Variants in GALNT18 observed in about 807,000 individuals in gnomAD.
GALNT18 encodes the protein polypeptide N-acetylgalactosaminyltransferase 18.
A neutral mutation model predicts 69.5 loss-of-function variants in GALNT18; 44 were observed. The observed-to-expected ratio is 0.63, with a 90% CI of 0.50 to 0.81. GALNT18 has a LOEUF of 0.81. Ranked by LOEUF, GALNT18 falls within the 40% of genes least tolerant of loss-of-function variation. GALNT18 has a pLI of 0.00. For missense variants in GALNT18, 715 were observed against 810.0 expected, an observed-to-expected ratio of 0.88 and a Z score of 1.42; for synonymous variants, 364 against 318.2, an observed-to-expected ratio of 1.14 and a Z score of -1.53.
In GALNT18 at chr11:11,430,819, G is replaced by A. The variant is rs2133791657; in HGVS notation, c.595+1802C>T. ...GACTTCTCTCTCTACTGCTGCAATA[G>A]CCTTCTCATCCATTTCCCTTCTTCA... On this transcript the variant is annotated intron_variant, in intron 3 of 10. Transcript: ENST00000227756. This position sits in a 1 kb window ranked among gnomAD's most constrained non-coding sequence, Gnocchi z 4.9. Among the ~76,000 whole-genome samples, 1 of 152,222 alleles carries A rather than the reference G, an allele frequency of 6.6e-6. No homozygotes were observed. Among genetic ancestry groups the A allele is most frequent in the Admixed American group, 6.5e-5 (1 of 15,286 alleles).
At chr11:11,518,204 G>C (rs892762133) in intron 1 of GALNT18, among the ~76,000 whole-genome samples, 8 of 152,226 alleles carry the variant, frequency 5.3e-5, no homozygotes, top group Admixed American at 1.3e-4. Context: ...CCTCTCACCA[G>C]CCAGCTGAAA....
Position 11,564,113 on chromosome 11 carries a change from T to C in GALNT18, c.235+57246A>G, listed in dbSNP as rs1309381514. On this transcript the variant is annotated intron_variant, in intron 1 of 10. Coordinates refer to ENST00000227756, the MANE Select transcript of GALNT18 (RefSeq NM_198516.3). This position sits in a 1 kb window ranked among gnomAD's most constrained non-coding sequence, Gnocchi z 4.3. ...GAGTTACGTACTGATCTTAACCCCA[T>C]TTTACAGTTGAAGGAACTTGAGCAT... is the stretch of plus-strand genomic sequence containing the variant. Among the ~76,000 whole-genome samples, 4 of 152,178 alleles carry C rather than the reference T, an allele frequency of 2.6e-5. No individual in the cohort carries two copies. The highest frequency in any genetic ancestry group is 4.4e-5 in the Non-Finnish European group (3 of 68,042).
chr11:11,297,931 C>T (rs1021326955), intron 9 of GALNT18, among the ~76,000 whole-genome samples: 2 of 152,208 alleles, frequency 1.3e-5, no homozygotes, highest in Non-Finnish European at 2.9e-5. Context: ...TCAACACATC[C>T]GTATCCTGGA....
chr11:11,401,841 AG>A (rs890286041), intron 3 of GALNT18, among the ~76,000 whole-genome samples: 5 of 152,342 alleles, frequency 3.3e-5, no homozygotes, highest in Non-Finnish European at 7.3e-5. Flanking sequence ...ATACAACAAT[AG>A]ATCCATAAGC....
rs917283548 is a variant in GALNT18 at position 11,480,357 on chromosome 11, T to G, written c.236-31421A>C. 1.3e-5 allele frequency among the ~76,000 whole-genome samples: 2 copies of G among 152,118 alleles called. No homozygotes were observed. The highest frequency in any genetic ancestry group is 1.5e-5 in the Non-Finnish European group (1 of 68,018). On this transcript the variant is annotated intron_variant, in intron 1 of 10. Transcript: ENST00000227756. The surrounding 1 kb of genome is among the most constrained non-coding windows in gnomAD (Gnocchi z 4.6). Reference sequence around the variant, plus strand: ...TTATTTGTTCTTTTGGGGCATCTCATTCTGAGTTCTACTCTGTCCCTTGGA... The same window carrying G: ...TTATTTGTTCTTTTGGGGCATCTCAGTCTGAGTTCTACTCTGTCCCTTGGA...
At chr11:11,571,564 G>A (rs1464365431) in intron 1 of GALNT18, among the ~76,000 whole-genome samples, 3 of 152,150 alleles carry the variant, frequency 2.0e-5, no homozygotes, top group Non-Finnish European at 4.4e-5. Flanking sequence ...CCTGGGCAGT[G>A]AGGCCCACTG....
chr11:11,367,343 C>T (rs1487128), intron 6 of GALNT18, among the ~76,000 whole-genome samples: 100,144 of 152,058 alleles, frequency 0.66, 33,261 homozygotes, highest in Middle Eastern at 0.78. Context: ...CAAATGATTA[C>T]GAATATCCCA....
intron 9 of GALNT18, among the ~76,000 whole-genome samples, chr11:11,302,286 T>C (rs1316580653): frequency 6.6e-6 from 1 of 152,126 alleles, no homozygotes; most frequent in African/African-American, 2.4e-5. Context: ...CTTGGTGTGG[T>C]TGAGTACAAG....
chr11:11,353,095 C>T (rs748527421), intron 6 of GALNT18: 6 of 1,614,030 alleles, frequency 3.7e-6, no homozygotes, highest in South Asian at 1.1e-5. Flanking sequence ...TAAACTCTGG[C>T]CCTGCTTGGC....
rs1403510692 is a variant in GALNT18 at position 11,461,637 on chromosome 11, C to T, written c.236-12701G>A. Among the ~76,000 whole-genome samples the T allele has an allele frequency of 6.6e-6, 1 of 152,212 alleles. No homozygotes were observed. The highest frequency in any genetic ancestry group is 1.9e-4 in the East Asian group (1 of 5,188). ...CTAAATATACACTACACTGTTCACA[C>T]ATAAAACAGTGTTCCCAGTGTTTCC... On this transcript the variant is annotated intron_variant, in intron 1 of 10. Coordinates refer to ENST00000227756, the MANE Select transcript of GALNT18 (RefSeq NM_198516.3). This position sits in a 1 kb window ranked among gnomAD's most constrained non-coding sequence, Gnocchi z 4.1.
chr11:11,532,642 T>C (rs1038466352), intron 1 of GALNT18, among the ~76,000 whole-genome samples: 2 of 152,250 alleles, frequency 1.3e-5, no homozygotes, highest in African/African-American at 4.8e-5. Flanking sequence ...CAGATCATCT[T>C]GAACAACATA....
chr11:11,370,724 T>C (rs1013857488), intron 6 of GALNT18, among the ~76,000 whole-genome samples: 1 of 152,156 alleles, frequency 6.6e-6, no homozygotes, highest in Non-Finnish European at 1.5e-5. Flanking sequence ...CTTTATAATC[T>C]AAGGAAGGAA....
intron 3 of GALNT18, among the ~76,000 whole-genome samples, chr11:11,401,187 T>A (rs1215821035): frequency 6.6e-6 from 1 of 152,146 alleles, no homozygotes; most frequent in African/African-American, 2.4e-5. Context: ...TGCTTCTGGA[T>A]CCTTTGCAAA....
At chr11:11,520,800 T>C (rs893589907) in intron 1 of GALNT18, among the ~76,000 whole-genome samples, 1 of 152,152 alleles carries the variant, frequency 6.6e-6, no homozygotes, top group Non-Finnish European at 1.5e-5. Flanking sequence ...TTCCTGTGGA[T>C]CAGTCCGGGG....
intron 10 of GALNT18, among the ~76,000 whole-genome samples, chr11:11,282,775 C>T (rs1010190433): frequency 1.3e-5 from 2 of 152,158 alleles, no homozygotes; most frequent in Non-Finnish European, 2.9e-5. Flanking sequence ...ATTTAATGAG[C>T]ACCTACCATT....
At chr11:11,286,329 T>C (rs920167645) in intron 10 of GALNT18, among the ~76,000 whole-genome samples, 1 of 152,218 alleles carries the variant, frequency 6.6e-6, no homozygotes, top group African/African-American at 2.4e-5. Flanking sequence ...AAGAAGTGCG[T>C]GTTTATGCCG....
intron 9 of GALNT18, among the ~76,000 whole-genome samples, chr11:11,319,831 C>T (rs1008736026): frequency 2.0e-5 from 3 of 152,196 alleles, no homozygotes; most frequent in African/African-American, 7.2e-5. Flanking sequence ...CTAAACAATT[C>T]CTACTCTATT....
chr11:11,288,819 A>T (rs1292882821), intron 10 of GALNT18, among the ~76,000 whole-genome samples: 4 of 152,100 alleles, frequency 2.6e-5, no homozygotes, highest in Non-Finnish European at 5.9e-5. Flanking sequence ...TCAGGGTATG[A>T]GATGGAACAC....
chr11:11,609,975 G>C (rs1325959556), intron 1 of GALNT18, among the ~76,000 whole-genome samples: 2 of 152,130 alleles, frequency 1.3e-5, no homozygotes, highest in Non-Finnish European at 2.9e-5. Context: ...AGATGATCTT[G>C]TTGATGCTAA....
Sources: gnomAD v4.1 joint callset for allele counts (sites outside exome capture counted in the v4.1 genomes callset) on GRCh38, gnomAD v4.1.1 for gene constraint, Gnocchi (gnomAD v3.1) non-coding constraint, MANE v1.5 for transcripts, NCBI Gene and HGNC (gene_info 2026-07-23, HGNC 2026-07-21) for gene names.